Variants in KIRREL1 observed in about 807,000 individuals in gnomAD.
KIRREL1 encodes the protein kin of IRRE-like protein 1.
In KIRREL1, 25 loss-of-function variants were observed where a neutral mutation model predicts 83.3. The observed-to-expected ratio is 0.30, with a 90% CI of 0.22 to 0.42. KIRREL1 has a LOEUF of 0.42. Ranked by LOEUF, KIRREL1 falls within the 10% of genes least tolerant of loss-of-function variation. The pLI is 1.00. For synonymous variants in KIRREL1, 388 were observed against 410.4 expected (o/e 0.95, Z 0.66); for missense variants, 812 against 1,032.3 (o/e 0.79, Z 2.92).
intron 10 of KIRREL1, 137 bp downstream of exon 10, chr1:158,089,955 C>T: frequency 1.4e-6 from 1 of 722,100 alleles, no homozygotes; most frequent in East Asian, 2.7e-5. Flanking sequence ...GCTTTCTGTC[C>T]CTCTGTCCCT....
At chr1:157,993,823 C>A (rs968140677) in intron 1 of KIRREL1, 95 bp downstream of exon 1, 2 of 781,804 alleles carry the variant, frequency 2.6e-6, no homozygotes, top group South Asian at 2.6e-5. Context: ...CCCCGCGGCC[C>A]GCGGCCAGTC....
intron 1 of KIRREL1, among the ~76,000 whole-genome samples, chr1:158,049,582 TATC>T: frequency 6.6e-6 from 1 of 152,218 alleles, no homozygotes; most frequent in East Asian, 1.9e-4. Flanking sequence ...AGGGCAATGT[TATC>T]ATTAGATTTG....
intron 4 of KIRREL1, among the ~76,000 whole-genome samples, chr1:158,084,862 A>T (rs1226732205): frequency 6.6e-6 from 1 of 152,246 alleles, no homozygotes; most frequent in Non-Finnish European, 1.5e-5. Context: ...CGTGCATGCT[A>T]AACACTTTAT....
chr1:158,007,549 C>T (rs1235554962), intron 1 of KIRREL1, among the ~76,000 whole-genome samples: 2 of 152,218 alleles, frequency 1.3e-5, no homozygotes, highest in African/African-American at 2.4e-5. Flanking sequence ...TGCACACACA[C>T]AGGCAGAGCC....
At chr1:158,086,776 C>A (rs1481573380) in intron 5 of KIRREL1, 30 bp downstream of exon 5, 2 of 1,543,160 alleles carry the variant, frequency 1.3e-6, no homozygotes, top group Non-Finnish European at 1.8e-6. Flanking sequence ...CAGTCTGGAG[C>A]AGGGGGGTGG....
chr1:157,993,981 T>C (rs138277492), intron 1 of KIRREL1, among the ~76,000 whole-genome samples: 48 of 152,230 alleles, frequency 3.2e-4, no homozygotes, highest in African/African-American at 1.1e-3. Context: ...AACCGAGCAA[T>C]GGGGCCGCGA....
At chr1:158,084,091 C>T (rs1485487144) in intron 3 of KIRREL1, among the ~76,000 whole-genome samples, 1 of 152,152 alleles carries the variant, frequency 6.6e-6, no homozygotes, top group Non-Finnish European at 1.5e-5. Context: ...GATGGCACCA[C>T]TGCACTCCAG....
At chr1:158,016,423 C>T (rs1413268978) in intron 1 of KIRREL1, among the ~76,000 whole-genome samples, 1 of 152,098 alleles carries the variant, frequency 6.6e-6, no homozygotes, top group Non-Finnish European at 1.5e-5. Flanking sequence ...CTGCAGAAAG[C>T]TAGCCAGATC....
chr1:158,051,515 C>A (rs567699469), intron 1 of KIRREL1, among the ~76,000 whole-genome samples: 4 of 152,114 alleles, frequency 2.6e-5, no homozygotes, highest in Non-Finnish European at 5.9e-5. Flanking sequence ...AGCATGTAGC[C>A]GCATCAACAT....
At chr1:158,054,477 T>C (rs758493511) in intron 1 of KIRREL1, among the ~76,000 whole-genome samples, 4 of 152,192 alleles carry the variant, frequency 2.6e-5, no homozygotes, top group Non-Finnish European at 4.4e-5. Flanking sequence ...AACCTATGCC[T>C]GTACCAGGAA....
At chr1:158,005,523 A>G (rs959821422) in intron 1 of KIRREL1, among the ~76,000 whole-genome samples, 9 of 147,670 alleles carry the variant, frequency 6.1e-5, no homozygotes, top group Admixed American at 4.8e-4. Flanking sequence ...ACTCATCCAT[A>G]TCGGAGCCAG....
intron 1 of KIRREL1, among the ~76,000 whole-genome samples, chr1:158,050,683 C>T (rs781551196): frequency 6.6e-6 from 1 of 151,964 alleles, no homozygotes; most frequent in Non-Finnish European, 1.5e-5. Flanking sequence ...GAGATGGCAC[C>T]TGATTAGAAG....
intron 1 of KIRREL1, among the ~76,000 whole-genome samples, chr1:158,035,780 T>A (rs945968835): frequency 2.0e-5 from 3 of 152,196 alleles, no homozygotes; most frequent in Non-Finnish European, 4.4e-5. Flanking sequence ...GGAGACCATG[T>A]GGTTAATAAC....
rs1291114494 is a variant in KIRREL1, at chr1:158,087,990, T to C, written c.768-16T>C. ...TCTGAGGCCTGATCCCACCTCTGTG[T>C]TGCCTCCTCCCCTAGGTGGGCCAAA... On this transcript the variant is annotated splice_polypyrimidine_tract_variant and intron_variant, in intron 6 of 14. Coordinates refer to ENST00000359209, the MANE Select transcript of KIRREL1 (RefSeq NM_018240.7). 6.2e-7 allele frequency: 1 copy of C among 1,613,872 alleles called. No homozygotes were observed. Among genetic ancestry groups the C allele is most frequent in the Admixed American group, 1.7e-5 (1 of 59,998 alleles).
chr1:158,033,965 T>C (rs1310573785), intron 1 of KIRREL1, among the ~76,000 whole-genome samples: 1 of 141,444 alleles, frequency 7.1e-6, no homozygotes, highest in Admixed American at 7.2e-5. Flanking sequence ...GGCAACAAAA[T>C]GAACTCCATC....
chr1:158,069,540 C>T (rs148600822), intron 1 of KIRREL1, among the ~76,000 whole-genome samples: 326 of 152,204 alleles, frequency 2.1e-3, no homozygotes, highest in African/African-American at 7.3e-3. Flanking sequence ...CAGGGATAGT[C>T]GCCCCAGGAG....
At chr1:157,996,371 G>A (rs1467949194) in intron 1 of KIRREL1, among the ~76,000 whole-genome samples, 6 of 152,142 alleles carry the variant, frequency 3.9e-5, no homozygotes, top group African/African-American at 1.4e-4. Flanking sequence ...CCTAGTCTCG[G>A]GGAGGAGAAA....
intron 1 of KIRREL1, among the ~76,000 whole-genome samples, chr1:157,995,486 G>A (rs1298910047): frequency 2.0e-5 from 3 of 152,092 alleles, no homozygotes; most frequent in African/African-American, 7.2e-5. Flanking sequence ...GGGCCATGGT[G>A]GTGGTGGAGG....
chr1:158,096,921 T>C lies in KIRREL1; in HGVS notation c.*1801T>C, dbSNP rs1009398020. On this transcript the variant is annotated 3_prime_UTR_variant, in exon 15 of 15. Transcript: ENST00000359209. ...TTCATGTTCGCTTTAATGAGTTACATGCTTATCAGCCACAGGCCATTACCA... is the reference window on the plus strand; with the variant it reads ...TTCATGTTCGCTTTAATGAGTTACACGCTTATCAGCCACAGGCCATTACCA... 11 of 456,678 alleles carry C rather than the reference T, an allele frequency of 2.4e-5. No homozygotes were observed. Among genetic ancestry groups the C allele is most frequent in the African/African-American group, 1.0e-4 (5 of 50,084 alleles). The allele number at this position is 456,678 out of a possible 1,614,324, so 28.3% of individuals were successfully genotyped here. A position where few individuals can be genotyped will look rare whatever the true frequency, so the allele number is the denominator to read the frequency against.
Sources: gnomAD v4.1 joint callset for allele counts (sites outside exome capture counted in the v4.1 genomes callset) on GRCh38, gnomAD v4.1.1 for gene constraint, MANE v1.5 for transcripts, NCBI Gene and HGNC (gene_info 2026-07-23, HGNC 2026-07-21) for gene names.